MGAM2: variants seen among roughly 807,000 people sequenced by gnomAD.
MGAM2 encodes maltase-glucoamylase 2 (putative).
MGAM2 carries 98 observed loss-of-function variants against 96.1 expected under a neutral mutation model. That is an observed-to-expected ratio of 1.02 (90% CI 0.87 to 1.21). The LOEUF (loss-of-function observed/expected upper bound fraction) is 1.21. MGAM2 is among the 50% of genes most tolerant of loss of function. The pLI is 0.00. For synonymous variants in MGAM2, 749 were observed against 414.8 expected (o/e 1.81, Z -9.79); for missense variants, 2,055 against 1,182.4 (o/e 1.74, Z -10.82).
At chr7:142,175,848 G>T in intron 32 of MGAM2, 68 bp downstream of exon 32, 1 of 672,834 alleles carries the variant, frequency 1.5e-6, no homozygotes, top group South Asian at 1.6e-5. Context: ...TAGCACCATT[G>T]TGGGAAACTG....
intron 45 of MGAM2, among the ~76,000 whole-genome samples, chr7:142,204,918 A>G (rs1017799874): frequency 1.3e-5 from 2 of 152,172 alleles, no homozygotes; most frequent in African/African-American, 4.8e-5. Flanking sequence ...GAGCCTTATA[A>G]GGGCATACTA....
intron 3 of MGAM2, among the ~76,000 whole-genome samples, chr7:142,123,459 C>T (rs1794644628): frequency 6.6e-6 from 1 of 152,144 alleles, no homozygotes; most frequent in Non-Finnish European, 1.5e-5. Context: ...GCTCTACATC[C>T]TAATCAACGC....
In MGAM2 at chr7:142,220,658, TA is replaced by T. The variant is rs1053839164; in HGVS notation, c.6148del (p.Thr2050LeufsTer43). 3 of 702,298 alleles carry T rather than the reference TA, an allele frequency of 4.3e-6. No homozygotes were observed. The African/African-American group carries it at 5.2e-5, about 12-fold the overall frequency. 43.5% of individuals were successfully genotyped at this position (702,298 alleles called of 1,614,324 possible). A position where few individuals can be genotyped will look rare whatever the true frequency, so the allele number is the denominator to read the frequency against. On this transcript the variant is annotated frameshift_variant, in exon 48 of 48. Coordinates refer to ENST00000477922, the MANE Select transcript of MGAM2 (RefSeq NM_001293626.2). LOFTEE classifies it low-confidence loss of function (END_TRUNC). ...DTTAPFPTST[T>X]STSTSATVPI... ...CAACTGCTCCTTTCCCTACAAGTAC[TA>T]CTAGTACTAGCACTAGTGCTACTGT...
At chr7:142,214,003 A>G (rs571036967) in intron 46 of MGAM2, among the ~76,000 whole-genome samples, 11 of 152,350 alleles carry the variant, frequency 7.2e-5, no homozygotes, top group African/African-American at 2.6e-4. Flanking sequence ...CTGGTTCAAC[A>G]TATGCAAGTC....
intron 45 of MGAM2, among the ~76,000 whole-genome samples, chr7:142,203,266 G>A (rs1354765506): frequency 6.6e-6 from 1 of 152,096 alleles, no homozygotes; most frequent in East Asian, 1.9e-4. Flanking sequence ...CTGTGAAGAA[G>A]CTCTGTAGTT....
intron 32 of MGAM2, among the ~76,000 whole-genome samples, chr7:142,177,385 A>G (rs917283966): frequency 1.3e-5 from 2 of 152,204 alleles, no homozygotes; most frequent in African/African-American, 4.8e-5. Flanking sequence ...CTCTTACAAC[A>G]CATGAGAATT....
intron 1 of MGAM2, among the ~76,000 whole-genome samples, chr7:142,114,227 A>AAGGAAGG: frequency 1.1e-5 from 1 of 94,890 alleles, no homozygotes; most frequent in African/African-American, 5.9e-5. Context: ...AGAAAGAAAG[A>AAGGAAGG]AAGAAATAGG....
rs564273891 is a variant in MGAM2 at position 142,196,221 on chromosome 7, C to T, written c.4414C>T (p.Arg1472Cys). The change falls in exon 38 of 48, where the codon CGC becomes TGC. Residue 1472 changes from arginine (R) to cysteine (C), a missense_variant. Physicochemically the swap from Arg to Cys is radical, Grantham distance 180. Coordinates refer to ENST00000477922, the MANE Select transcript of MGAM2 (RefSeq NM_001293626.2). Reference protein sequence around the residue: ...ITRSTFPSSGRWGGHRLGNNT... With the variant: ...ITRSTFPSSGCWGGHRLGNNT... ...CCGCTCCACATTTCCCTCTTCTGGACGCTGGGGAGGACACCGGTTGGGAAA... is the reference window on the plus strand; with the variant it reads ...CCGCTCCACATTTCCCTCTTCTGGATGCTGGGGAGGACACCGGTTGGGAAA... 164 of 1,091,406 alleles carry T rather than the reference C, an allele frequency of 1.5e-4. 1 individual carries two copies. Among genetic ancestry groups the T allele is most frequent in the East Asian group, 1.0e-3 (39 of 38,964 alleles). 67.6% of individuals were successfully genotyped at this position (1,091,406 alleles called of 1,614,324 possible). A position where few individuals can be genotyped will look rare whatever the true frequency, so the allele number is the denominator to read the frequency against.
chr7:142,189,336 G>A, intron 36 of MGAM2, 31 bp from the exon 37 acceptor site: 1 of 650,370 alleles, frequency 1.5e-6, no homozygotes, highest in Non-Finnish European at 2.8e-6. Flanking sequence ...AAATCATGTT[G>A]TTTAGGAAAT....
chr7:142,173,005 C>T (rs1439324919), intron 30 of MGAM2, among the ~76,000 whole-genome samples: 1 of 152,292 alleles, frequency 6.6e-6, no homozygotes, highest in Admixed American at 6.5e-5. Context: ...GGCAAATTCT[C>T]AGGTTTCCTA....
At chr7:142,204,877 C>T (rs1797350174) in intron 45 of MGAM2, among the ~76,000 whole-genome samples, 1 of 151,958 alleles carries the variant, frequency 6.6e-6, no homozygotes, top group South Asian at 2.1e-4. Context: ...GTTGACCAGC[C>T]ATCCTGAATT....
At chr7:142,150,373 G>T (rs910840956) in intron 15 of MGAM2, among the ~76,000 whole-genome samples, 1 of 152,080 alleles carries the variant, frequency 6.6e-6, no homozygotes, top group African/African-American at 2.4e-5. Context: ...TCCTTTTGAT[G>T]TTACTTTTGA....
chr7:142,124,274 G>A (rs1327212554), intron 3 of MGAM2, among the ~76,000 whole-genome samples: 1 of 151,832 alleles, frequency 6.6e-6, no homozygotes, highest in Non-Finnish European at 1.5e-5. Context: ...ACCTGGCCCA[G>A]AAACGTTTTT....
intron 32 of MGAM2, among the ~76,000 whole-genome samples, chr7:142,182,425 C>T (rs374777338): frequency 1.1e-4 from 17 of 152,294 alleles, no homozygotes; most frequent in East Asian, 7.7e-4. Flanking sequence ...GGAAAGACAA[C>T]GCTGCTGTCT....
chr7:142,194,857 G>A (rs1796983154), intron 37 of MGAM2, among the ~76,000 whole-genome samples: 1 of 152,040 alleles, frequency 6.6e-6, no homozygotes, highest in Non-Finnish European at 1.5e-5. Flanking sequence ...TGTGTCTATT[G>A]ATCTGTGATG....
chr7:142,220,361 T>A lies in MGAM2; in HGVS notation c.5850T>A (p.Gly1950=). ...CATGTTTTGCAACAAGTACTATTGG[T>A]GTTACAACTAATGCTACTGTTCCCG... The part of the protein sequence containing the change: ...TTTCFATSTI[G]VTTNATVPDT... The change falls in exon 48 of 48, where the codon GGT becomes GGA. Residue 1950 remains glycine, a synonymous_variant. Coordinates refer to ENST00000477922, the MANE Select transcript of MGAM2 (RefSeq NM_001293626.2). The A allele has an allele frequency of 1.4e-6, 1 of 702,670 alleles. No homozygotes were observed. The highest frequency in any genetic ancestry group is 2.6e-6 in the Non-Finnish European group (1 of 384,888). 43.5% of individuals were successfully genotyped at this position (702,670 alleles called of 1,614,324 possible). A position where few individuals can be genotyped will look rare whatever the true frequency, so the allele number is the denominator to read the frequency against.
At chr7:142,170,999 T>C (rs777567732) in intron 27 of MGAM2, among the ~76,000 whole-genome samples, 10 of 152,178 alleles carry the variant, frequency 6.6e-5, no homozygotes, top group African/African-American at 1.4e-4. Flanking sequence ...ACTGAGAACT[T>C]GAAATAAATA....
chr7:142,125,673 G>A (rs1023075568), intron 3 of MGAM2, among the ~76,000 whole-genome samples: 1 of 152,110 alleles, frequency 6.6e-6, no homozygotes, highest in African/African-American at 2.4e-5. Flanking sequence ...TAATTACTTT[G>A]TTTATAATAG....
intron 1 of MGAM2, among the ~76,000 whole-genome samples, chr7:142,114,119 A>G (rs1244015159): frequency 6.7e-6 from 1 of 149,576 alleles, no homozygotes; most frequent in Non-Finnish European, 1.5e-5. Flanking sequence ...CAACAGAGCG[A>G]GACTCCATCT....
Sources: allele counts gnomAD v4.1 joint callset (sites outside exome capture counted in the v4.1 genomes callset), GRCh38; gene constraint gnomAD v4.1.1; transcripts MANE v1.5; gene names NCBI Gene and HGNC (gene_info 2026-07-23, HGNC 2026-07-21).